The following ATAD1 variants were observed in gnomAD, a reference collection of about 807,000 sequenced individuals.
The protein encoded by ATAD1 is outer mitochondrial transmembrane helix translocase.
A neutral mutation model predicts 42.7 loss-of-function variants in ATAD1; 18 were observed. The ratio of observed to expected loss-of-function variants is 0.42; its 90% CI spans 0.29 to 0.63. ATAD1 has a LOEUF of 0.63. Among genes scored for constraint, ATAD1 ranks in the 20% least tolerant of loss-of-function variants. ATAD1 has a pLI of 0.19. For synonymous variants in ATAD1, 132 were observed against 143.1 expected (o/e 0.92, Z 0.55); for missense variants, 294 against 440.4 (o/e 0.67, Z 2.98).
chr10:87,806,837 C>T (rs1445002847), intron 2 of ATAD1, among the ~76,000 whole-genome samples: 2 of 152,098 alleles, frequency 1.3e-5, no homozygotes, highest in Non-Finnish European at 2.9e-5. Flanking sequence ...CTTCTCTTTA[C>T]GAGGAAGGAC....
intron 1 of ATAD1, among the ~76,000 whole-genome samples, chr10:87,833,774 C>T (rs1427022999): frequency 1.5e-5 from 2 of 129,276 alleles, no homozygotes; most frequent in Non-Finnish European, 1.6e-5. Flanking sequence ...GTAGCCCAGG[C>T]TGGAGTGCAG....
chr10:87,791,821 T>A (rs987517635), intron 3 of ATAD1, among the ~76,000 whole-genome samples: 1 of 152,206 alleles, frequency 6.6e-6, no homozygotes, highest in African/African-American at 2.4e-5. Context: ...AAAATAATCC[T>A]TATGAAGTAG....
chr10:87,785,075 A>T (rs1052570493), intron 4 of ATAD1, among the ~76,000 whole-genome samples: 58 of 152,350 alleles, frequency 3.8e-4, no homozygotes, highest in Non-Finnish European at 3.2e-4. Flanking sequence ...ATTGTGGCAA[A>T]CACTGTTTTG....
At chr10:87,792,895 C>T (rs1856197236) in intron 2 of ATAD1, 140 bp from the exon 3 acceptor site, 5 of 651,186 alleles carry the variant, frequency 7.7e-6, no homozygotes, top group Non-Finnish European at 1.3e-5. Flanking sequence ...GCCCCTTGAT[C>T]TTAGCCTTCT....
chr10:87,767,551 G>A lies in ATAD1; in HGVS notation c.831+122C>T, dbSNP rs151322719. On this transcript the variant is annotated intron_variant, in intron 8 of 9. Coordinates refer to ENST00000680024, the MANE Select transcript of ATAD1 (RefSeq NM_001321967.2). ...GGCCATAGACCAGTACCAGTCTGTG[G>A]CTGCAGGGGCTGGAGATCCTTGGGG... 1.4e-5 allele frequency: 13 copies of A among 916,106 alleles called. No individual in the cohort carries two copies. The East Asian group carries it at 3.3e-4, about 23-fold the overall frequency. 56.7% of individuals were successfully genotyped at this position (916,106 alleles called of 1,614,324 possible). A position where few individuals can be genotyped will look rare whatever the true frequency, so the allele number is the denominator to read the frequency against.
chr10:87,816,892 G>A (rs1177409289), intron 1 of ATAD1, among the ~76,000 whole-genome samples: 1 of 152,284 alleles, frequency 6.6e-6, no homozygotes, highest in East Asian at 1.9e-4. Flanking sequence ...AGAGTTGGTA[G>A]TGATAAAACT....
rs201774115 is a variant in ATAD1, at chr10:87,770,276, ATT to A, written c.780+674_780+675del. Among the ~76,000 whole-genome samples the A allele has an allele frequency of 6.3e-3, 959 of 152,314 alleles. 2 individuals carry two copies. The highest frequency in any genetic ancestry group is 0.011 in the Non-Finnish European group (729 of 68,012). On this transcript the variant is annotated intron_variant, in intron 7 of 9. Transcript: ENST00000680024. ...GTAACATGCTGATTGTATGGAACATATTTTCTACTAGTAAAACCTGTTTTTTC... is the reference window on the plus strand; with the variant it reads ...GTAACATGCTGATTGTATGGAACATATTCTACTAGTAAAACCTGTTTTTTC...
intron 2 of ATAD1, among the ~76,000 whole-genome samples, chr10:87,799,455 T>C (rs1856574258): frequency 6.6e-6 from 1 of 152,206 alleles, no homozygotes; most frequent in South Asian, 2.1e-4. Context: ...AAGGCTGTTA[T>C]TGCCTTTGTT....
intron 2 of ATAD1, among the ~76,000 whole-genome samples, chr10:87,812,748 T>C (rs1226960877): frequency 6.6e-6 from 1 of 152,214 alleles, no homozygotes; most frequent in Non-Finnish European, 1.5e-5. Context: ...GATGATGGAT[T>C]CTAAAATGCT....
chr10:87,792,743 T>C lies in ATAD1; in HGVS notation c.175A>G (p.Met59Val), dbSNP rs371862255. ...ACATTTTTCACTCCAATTTGCTTCA[T>C]TAGTTTTTCTGCCTAGAATGAAAAG... ...VEAQKQAEKL[M>V]KQIGVKNVKL... Residue 59 changes from methionine to valine, a missense_variant, in exon 3 of 10, where the codon ATG becomes GTG. Physicochemically the swap from Met to Val is conservative, Grantham distance 21 (BLOSUM62 1). This residue lies in a region of ATAD1 where 121 missense variants were observed against 187.3 expected (regional missense o/e 0.65). Coordinates refer to ENST00000680024, the MANE Select transcript of ATAD1 (RefSeq NM_001321967.2). 1 of 1,613,670 alleles carries C rather than the reference T, an allele frequency of 6.2e-7. No individual in the cohort carries two copies. The highest frequency in any genetic ancestry group is 1.1e-5 in the South Asian group (1 of 91,076).
At chr10:87,782,713 T>C (rs1024353153) in intron 5 of ATAD1, among the ~76,000 whole-genome samples, 3 of 152,082 alleles carry the variant, frequency 2.0e-5, no homozygotes, top group Admixed American at 6.6e-5. Context: ...AAAAATAATA[T>C]AGCAGAAGTA....
At position 87,784,465 on chromosome 10, in the gene ATAD1, C is replaced by T; in HGVS notation, c.583+5G>A. The T allele has an allele frequency of 6.2e-7, 1 of 1,611,826 alleles. No homozygotes were observed. Among genetic ancestry groups the T allele is most frequent in the South Asian group, 1.1e-5 (1 of 90,758 alleles). On this transcript the variant is annotated splice_donor_5th_base_variant and intron_variant, in intron 5 of 9. Transcript: ENST00000680024. Reference sequence around the variant, plus strand: ...AAAAATACTCATATAGAAAACATAGCATACCTATTTCATCTATAAAGATGA... The same window carrying T: ...AAAAATACTCATATAGAAAACATAGTATACCTATTTCATCTATAAAGATGA...
intron 8 of ATAD1, among the ~76,000 whole-genome samples, chr10:87,757,432 T>C (rs1272998124): frequency 6.6e-6 from 1 of 152,194 alleles, no homozygotes; most frequent in Non-Finnish European, 1.5e-5. Context: ...AGACTTGAGA[T>C]AGTCTAATCA....
At chr10:87,772,888 CAG>C (rs766473580) in intron 6 of ATAD1, among the ~76,000 whole-genome samples, 3 of 152,100 alleles carry the variant, frequency 2.0e-5, no homozygotes, top group African/African-American at 2.4e-5. Context: ...CAGGAAGTGA[CAG>C]TAATTTTTTA....
chr10:87,755,686 A>T, intron 9 of ATAD1, among the ~76,000 whole-genome samples: 1 of 152,154 alleles, frequency 6.6e-6, no homozygotes, highest in East Asian at 1.9e-4. Flanking sequence ...AGGCGGGTGG[A>T]TCACCTGAGG....
intron 2 of ATAD1, among the ~76,000 whole-genome samples, chr10:87,800,203 C>T (rs1856621848): frequency 6.6e-6 from 1 of 151,978 alleles, no homozygotes; most frequent in Non-Finnish European, 1.5e-5. Flanking sequence ...TATACACACA[C>T]ACTAAATCAC....
At chr10:87,759,073 G>A (rs1329596688) in intron 8 of ATAD1, among the ~76,000 whole-genome samples, 1 of 152,032 alleles carries the variant, frequency 6.6e-6, no homozygotes. Context: ...CTTTAAGTCT[G>A]ATTATAGTCA....
At position 87,815,584 on chromosome 10, in the gene ATAD1, AAGTT is replaced by A. The variant is rs147431986; in HGVS notation, c.-13-976_-13-973del. Among the ~76,000 whole-genome samples the A allele has an allele frequency of 6.1e-3, 926 of 152,210 alleles. 10 individuals carry two copies. The highest frequency in any genetic ancestry group is 0.016 in the South Asian group (78 of 4,818). On this transcript the variant is annotated intron_variant, in intron 1 of 9. Transcript: ENST00000680024. ...AGAATTTGTATGGCTCAGCAGATAAAAGTTAGGTACTGCAAAGATTAATATCCAT... is the reference window on the plus strand; with the variant it reads ...AGAATTTGTATGGCTCAGCAGATAAAAGGTACTGCAAAGATTAATATCCAT...
intron 6 of ATAD1, among the ~76,000 whole-genome samples, chr10:87,772,667 C>G (rs1267697850): frequency 6.6e-6 from 1 of 151,900 alleles, no homozygotes; most frequent in Non-Finnish European, 1.5e-5. Flanking sequence ...GGATGGAATA[C>G]TAAAAAATAG....
Sources: gnomAD v4.1 joint callset for allele counts (sites outside exome capture counted in the v4.1 genomes callset) on GRCh38, gnomAD v4.1.1 for gene constraint, gnomAD v4.1.1 regional missense constraint, MANE v1.5 for transcripts, NCBI Gene and HGNC (gene_info 2026-07-23, HGNC 2026-07-21) for gene names.